NRXN3: variants seen among roughly 807,000 people sequenced by gnomAD.
NRXN3 encodes the protein neurexin 3.
Under a neutral mutation model 137.6 loss-of-function variants are expected in NRXN3, and 32 were observed. The ratio of observed to expected loss-of-function variants is 0.23; its 90% CI spans 0.18 to 0.31. The LOEUF (loss-of-function observed/expected upper bound fraction) is 0.31. NRXN3 is among the 10% of genes least tolerant of loss of function. The probability of loss-of-function intolerance (pLI) is 1.00; values close to 1 mark genes in which losing one functional copy is unlikely to be tolerated. For synonymous variants in NRXN3, 798 were observed against 784.5 expected (o/e 1.02, Z -0.29); for missense variants, 1,574 against 2,062.5 (o/e 0.76, Z 4.59).
At position 78,709,668 on chromosome 14, in the gene NRXN3, A is replaced by G. The variant is rs961485256; in HGVS notation, c.1660+13A>G. 4 of 1,601,074 alleles carry G rather than the reference A, an allele frequency of 2.5e-6. No homozygotes were observed. The African/African-American group carries it at 4.0e-5, about 16-fold the overall frequency. On this transcript the variant is annotated intron_variant, in intron 7 of 20. Coordinates refer to ENST00000335750, the MANE Select transcript of NRXN3 (RefSeq NM_001330195.2). The stretch of plus-strand genomic sequence containing the variant: ...GATGGCAGATCAGGTAGGAAGAGGC[A>G]GGATGTGTGACTGAGACTAGACGAA...
chr14:79,838,357 G>A (rs192313746), intron 20 of NRXN3, among the ~76,000 whole-genome samples: 14 of 152,292 alleles, frequency 9.2e-5, no homozygotes, highest in African/African-American at 2.4e-4. Context: ...TTAAACTTAC[G>A]CATAAAAGTG....
At chr14:79,510,629 T>G (rs1407503711) in intron 16 of NRXN3, among the ~76,000 whole-genome samples, 2 of 152,134 alleles carry the variant, frequency 1.3e-5, no homozygotes, top group Non-Finnish European at 2.9e-5. Context: ...GTTAACTATC[T>G]AGAACTACCC....
At chr14:79,541,702 A>G (rs1183772548) in intron 16 of NRXN3, among the ~76,000 whole-genome samples, 1 of 152,220 alleles carries the variant, frequency 6.6e-6, no homozygotes, top group Non-Finnish European at 1.5e-5. Context: ...TGAAATTGAC[A>G]TCTATCTCTG....
chr14:79,385,204 T>TCCCCCCCCCCCCCCC (rs557799323), intron 15 of NRXN3, among the ~76,000 whole-genome samples: 2 of 90,504 alleles, frequency 2.2e-5, no homozygotes, highest in Admixed American at 1.4e-4. Context: ...ATGCTATCCT[T>TCCCCCCCCCCCCCCC]CCCCCCGCCC....
chr14:78,805,044 T>C (rs2153084460), intron 9 of NRXN3, among the ~76,000 whole-genome samples: 1 of 152,294 alleles, frequency 6.6e-6, no homozygotes, highest in African/African-American at 2.4e-5. Context: ...GGTTTTTGAA[T>C]CCATACCAAT....
intron 16 of NRXN3, among the ~76,000 whole-genome samples, chr14:79,604,328 G>A (rs1399407247): frequency 6.6e-6 from 1 of 151,718 alleles, no homozygotes; most frequent in African/African-American, 2.4e-5. Flanking sequence ...TCTGCCTCCT[G>A]GGTTCAAGCA....
intron 15 of NRXN3, among the ~76,000 whole-genome samples, chr14:79,080,703 G>A (rs116439819): frequency 0.012 from 1,828 of 152,246 alleles, 30 homozygotes; most frequent in African/African-American, 0.039. Flanking sequence ...AGAGCTTGAT[G>A]AATGAAAAGA....
Position 78,943,619 on chromosome 14 carries a change from AAAATATATATATAT to A in NRXN3, c.2276-13621_2276-13608del, listed in dbSNP as rs1357571529. Among the ~76,000 whole-genome samples, 151 of 42,808 alleles carry A rather than the reference AAAATATATATATAT, an allele frequency of 3.5e-3. 11 individuals carry two copies. The highest frequency in any genetic ancestry group is 4.8e-3 in the African/African-American group (52 of 10,896). The allele number at this position is 42,808 out of a possible 152,430, so 28.1% of individuals were successfully genotyped here. Reference sequence around the variant, plus strand: ...GAAGCAAGATCACTGTTAAAAAAAAAAAATATATATATATATATATATATATATATATATATATA... The same window carrying A: ...GAAGCAAGATCACTGTTAAAAAAAAAATATATATATATATATATATATATA... On this transcript the variant is annotated intron_variant, in intron 10 of 20. Coordinates refer to ENST00000335750, the MANE Select transcript of NRXN3 (RefSeq NM_001330195.2).
At chr14:78,609,378 T>C (rs1199993995) in intron 4 of NRXN3, among the ~76,000 whole-genome samples, 1 of 152,114 alleles carries the variant, frequency 6.6e-6, no homozygotes, top group Non-Finnish European at 1.5e-5. Flanking sequence ...TTAATTAAAC[T>C]TACTGTTTAG....
At chr14:78,927,610 C>T (rs1383587009) in intron 10 of NRXN3, among the ~76,000 whole-genome samples, 1 of 152,134 alleles carries the variant, frequency 6.6e-6, no homozygotes, top group African/African-American at 2.4e-5. Context: ...CTGTATTTTA[C>T]CTATGCTGCT....
intron 4 of NRXN3, among the ~76,000 whole-genome samples, chr14:78,586,597 A>G (rs2097065406): frequency 6.6e-6 from 1 of 152,106 alleles, no homozygotes; most frequent in South Asian, 2.1e-4. Context: ...TGTACTGGAG[A>G]CAAATCAGGA....
intron 3 of NRXN3, among the ~76,000 whole-genome samples, chr14:78,290,798 C>G (rs918706654): frequency 2.0e-5 from 3 of 152,316 alleles, no homozygotes; most frequent in Admixed American, 6.5e-5. Context: ...TTCAAAAGCT[C>G]CTGTGCATGC....
In NRXN3 at chr14:78,649,224, T is replaced by C. The variant is rs747835767; in HGVS notation, c.1060-1941T>C. On this transcript the variant is annotated intron_variant, in intron 5 of 20. Transcript: ENST00000335750. ...TAGTTTTTTTAATTAACAATCGTTC[T>C]GTTCACAATTTTTAATTTCCTTTCT... is the stretch of plus-strand genomic sequence containing the variant. 1.8e-5 allele frequency: 24 copies of C among 1,315,290 alleles called. No homozygotes were observed. The South Asian group carries it at 2.9e-4, about 16-fold the overall frequency. 81.5% of individuals were successfully genotyped at this position (1,315,290 alleles called of 1,614,324 possible).
intron 20 of NRXN3, among the ~76,000 whole-genome samples, chr14:79,860,152 G>A (rs1218671436): frequency 1.3e-5 from 2 of 152,120 alleles, no homozygotes; most frequent in African/African-American, 2.4e-5. Flanking sequence ...GTGCAATAAC[G>A]AGGGTCTATG....
chr14:79,564,536 G>A (rs921986939), intron 16 of NRXN3, among the ~76,000 whole-genome samples: 96 of 151,996 alleles, frequency 6.3e-4, no homozygotes, highest in African/African-American at 2.2e-3. Context: ...TCATTGTCCC[G>A]CACACTTTAT....
chr14:78,599,697 T>A lies in NRXN3; in HGVS notation c.758-45423T>A, dbSNP rs1387920896. 3.3e-5 allele frequency among the ~76,000 whole-genome samples: 5 copies of A among 152,350 alleles called. No homozygotes were observed. The East Asian group carries it at 9.6e-4, about 29-fold the overall frequency. ...AGCCTAACATTAGTTTTCAACCAGA[T>A]CACTCTTTTTTTACACTATTCAAAA... On this transcript the variant is annotated intron_variant, in intron 4 of 20. Coordinates refer to ENST00000335750, the MANE Select transcript of NRXN3 (RefSeq NM_001330195.2).
intron 15 of NRXN3, among the ~76,000 whole-genome samples, chr14:79,444,239 T>G (rs2096017334): frequency 6.6e-6 from 1 of 152,154 alleles, no homozygotes; most frequent in South Asian, 2.1e-4. Context: ...TCCATTGAAT[T>G]TGACTCTTTC....
chr14:79,128,749 A>G (rs2056975694), intron 15 of NRXN3, among the ~76,000 whole-genome samples: 1 of 152,100 alleles, frequency 6.6e-6, no homozygotes, highest in Admixed American at 6.5e-5. Flanking sequence ...TTCAGAAGGA[A>G]TGGTACCAAT....
intron 15 of NRXN3, among the ~76,000 whole-genome samples, chr14:79,078,450 T>G (rs370533279): frequency 6.6e-6 from 1 of 152,196 alleles, no homozygotes; most frequent in Non-Finnish European, 1.5e-5. Context: ...CCATCCAACC[T>G]TGCTCTGCAT....
Sources: allele counts gnomAD v4.1 joint callset (sites outside exome capture counted in the v4.1 genomes callset), GRCh38; gene constraint gnomAD v4.1.1; transcripts MANE v1.5; gene names NCBI Gene and HGNC (gene_info 2026-07-23, HGNC 2026-07-21).